The following GPM6A variants were observed in gnomAD, a reference collection of about 807,000 sequenced individuals.
The protein encoded by GPM6A is glycoprotein M6A, also known as neuronal membrane glycoprotein M6-a.
GPM6A carries 7 observed loss-of-function variants against 32.1 expected under a neutral mutation model. That is an observed-to-expected ratio of 0.22 (90% CI 0.12 to 0.41). The LOEUF (loss-of-function observed/expected upper bound fraction) is 0.41, where lower values mean the gene tolerates loss of function less well. Ranked by LOEUF, GPM6A falls within the 10% of genes least tolerant of loss-of-function variation. GPM6A has a pLI of 1.00. For missense variants in GPM6A, 235 were observed against 347.2 expected, an observed-to-expected ratio of 0.68 and a Z score of 2.57; for synonymous variants, 130 against 123.4, an observed-to-expected ratio of 1.05 and a Z score of -0.35.
chr4:175,653,816 C>T (rs1741932241), intron 3 of GPM6A, among the ~76,000 whole-genome samples: 1 of 152,196 alleles, frequency 6.6e-6, no homozygotes, highest in African/African-American at 2.4e-5. Flanking sequence ...TCTTTAGACA[C>T]ACTTGACTGT....
At chr4:175,742,758 C>T (rs951839905) in intron 1 of GPM6A, among the ~76,000 whole-genome samples, 1 of 152,122 alleles carries the variant, frequency 6.6e-6, no homozygotes, top group African/African-American at 2.4e-5. Flanking sequence ...GCACACTTGA[C>T]ATGAGGGGCC....
At chr4:175,967,767 C>A (rs1041476446) in intron 1 of GPM6A, among the ~76,000 whole-genome samples, 1 of 152,074 alleles carries the variant, frequency 6.6e-6, no homozygotes, top group Admixed American at 6.6e-5. Flanking sequence ...TGAAGTCAGA[C>A]AAGATCTACA....
intron 1 of GPM6A, among the ~76,000 whole-genome samples, chr4:175,907,572 G>A (rs935351675): frequency 3.3e-5 from 5 of 152,096 alleles, no homozygotes; most frequent in African/African-American, 9.7e-5. Context: ...TGGCATTTGC[G>A]AAAACAGCAG....
intron 1 of GPM6A, among the ~76,000 whole-genome samples, chr4:175,721,120 AT>A (rs1746104821): frequency 7.5e-6 from 1 of 133,624 alleles, no homozygotes; most frequent in African/African-American, 2.6e-5. Flanking sequence ...TATATTTTCT[AT>A]TTTTAAAAAG....
At chr4:175,970,169 C>T (rs1021650460) in intron 1 of GPM6A, among the ~76,000 whole-genome samples, 4 of 152,160 alleles carry the variant, frequency 2.6e-5, no homozygotes, top group Non-Finnish European at 5.9e-5. Context: ...TTTGCCCTTG[C>T]ACTTTGCCAC....
At chr4:175,928,920 T>C (rs1157143695) in intron 1 of GPM6A, among the ~76,000 whole-genome samples, 1 of 152,220 alleles carries the variant, frequency 6.6e-6, no homozygotes, top group African/African-American at 2.4e-5. Context: ...CTTGATTAAT[T>C]TGCATGGATA....
At chr4:175,984,615 T>C (rs1462755674) in intron 1 of GPM6A, among the ~76,000 whole-genome samples, 1 of 152,346 alleles carries the variant, frequency 6.6e-6, no homozygotes, top group South Asian at 2.1e-4. Flanking sequence ...CATTTTGATA[T>C]GGTAAAATTT....
chr4:175,839,834 A>G (rs1169498034), intron 1 of GPM6A, among the ~76,000 whole-genome samples: 1 of 152,212 alleles, frequency 6.6e-6, no homozygotes, highest in Non-Finnish European at 1.5e-5. Flanking sequence ...CAAAAGATAC[A>G]CAAACTTATC....
intron 2 of GPM6A, among the ~76,000 whole-genome samples, chr4:175,700,252 A>G (rs1281496512): frequency 6.6e-6 from 1 of 152,198 alleles, no homozygotes; most frequent in Non-Finnish European, 1.5e-5. Context: ...ATACTTTGAA[A>G]TATACTTTTA....
chr4:175,734,049 G>C (rs540958346), intron 1 of GPM6A, among the ~76,000 whole-genome samples: 1 of 151,554 alleles, frequency 6.6e-6, no homozygotes, highest in Non-Finnish European at 1.5e-5. Flanking sequence ...CACGATCAAA[G>C]CTTGAAAAAT....
chr4:175,967,274 C>A lies in GPM6A; in HGVS notation c.-23+35035G>T, dbSNP rs74636223. 9.2e-3 allele frequency among the ~76,000 whole-genome samples: 1,407 copies of A among 152,186 alleles called. 16 individuals are homozygous for A. Among genetic ancestry groups the A allele is most frequent in the African/African-American group, 0.032 (1,328 of 41,546 alleles). Reference sequence around the variant, plus strand: ...TAAAAACTTTCAGCAAACTAGGGATCGAGGTGAACTTTCTCAACTTGGTAA... The same window carrying A: ...TAAAAACTTTCAGCAAACTAGGGATAGAGGTGAACTTTCTCAACTTGGTAA... On this transcript the variant is annotated intron_variant, in intron 1 of 7. Coordinates refer to the GPM6A transcript ENST00000280187.
At chr4:175,655,883 C>T (rs1239508034) in intron 3 of GPM6A, among the ~76,000 whole-genome samples, 2 of 151,932 alleles carry the variant, frequency 1.3e-5, no homozygotes, top group Non-Finnish European at 2.9e-5. Flanking sequence ...AGTCACTTAG[C>T]AGGAAATGTA....
intron 1 of GPM6A, among the ~76,000 whole-genome samples, chr4:175,997,083 A>G (rs1047946097): frequency 1.3e-5 from 2 of 152,052 alleles, no homozygotes; most frequent in African/African-American, 4.8e-5. Context: ...TGCCAGCTAT[A>G]TATATGTGAG....
At chr4:175,924,001 G>A (rs746348102) in intron 1 of GPM6A, among the ~76,000 whole-genome samples, 7 of 152,078 alleles carry the variant, frequency 4.6e-5, no homozygotes, top group Non-Finnish European at 8.8e-5. Flanking sequence ...AGTCCTATTC[G>A]AGTATTTGTC....
rs577341180 is a variant in GPM6A at position 175,771,029 on chromosome 4, T to C, written c.37+41162A>G. ...GGTTTTTGAAGTTACCTGTCACAAATATGTAATGCCTCTTCGTTCCTCTGT... is the reference window on the plus strand; with the variant it reads ...GGTTTTTGAAGTTACCTGTCACAAACATGTAATGCCTCTTCGTTCCTCTGT... On this transcript the variant is annotated intron_variant, in intron 1 of 6. Transcript: ENST00000393658. Among the ~76,000 whole-genome samples, 4 of 152,248 alleles carry C rather than the reference T, an allele frequency of 2.6e-5. No homozygotes were observed. The East Asian group carries it at 7.7e-4, about 29-fold the overall frequency.
chr4:175,828,921 TTTTTG>T (rs1241212952), intron 1 of GPM6A, among the ~76,000 whole-genome samples: 1 of 152,150 alleles, frequency 6.6e-6, no homozygotes, highest in African/African-American at 2.4e-5. Context: ...AGTGTTAATC[TTTTTG>T]TTTTGTTTTG....
intron 1 of GPM6A, among the ~76,000 whole-genome samples, chr4:175,770,855 A>T (rs1733158800): frequency 6.6e-6 from 1 of 152,142 alleles, no homozygotes; most frequent in Non-Finnish European, 1.5e-5. Flanking sequence ...CCCAGAAGAG[A>T]TCACTCACAA....
At chr4:175,677,374 T>C (rs577448401) in intron 2 of GPM6A, among the ~76,000 whole-genome samples, 45 of 152,156 alleles carry the variant, frequency 3.0e-4, no homozygotes, top group Non-Finnish European at 6.2e-4. Context: ...TACTTTTCTA[T>C]GTGCTAACAC....
intron 1 of GPM6A, among the ~76,000 whole-genome samples, chr4:175,791,566 A>G (rs138750975): frequency 6.6e-6 from 1 of 152,322 alleles, no homozygotes; most frequent in East Asian, 1.9e-4. Flanking sequence ...AAATTTGCAT[A>G]TTTAAAATTG....
Sources: allele counts gnomAD v4.1 joint callset (sites outside exome capture counted in the v4.1 genomes callset), GRCh38; gene constraint gnomAD v4.1.1; transcripts MANE v1.5; gene names NCBI Gene and HGNC (gene_info 2026-07-23, HGNC 2026-07-21).